Variants in PCDH9 observed in about 807,000 individuals in gnomAD.
PCDH9 encodes the protein protocadherin 9, also known as protocadherin-9.
Under a neutral mutation model 70.6 loss-of-function variants are expected in PCDH9, and 24 were observed. The observed-to-expected ratio is 0.34, with a 90% CI of 0.25 to 0.48. The LOEUF is 0.48. Among genes scored for constraint, PCDH9 ranks in the 20% least tolerant of loss-of-function variants. PCDH9 has a pLI of 0.99. For synonymous variants in PCDH9, 562 were observed against 558.5 expected, an observed-to-expected ratio of 1.01 and a Z score of -0.09; for missense variants, 1,281 against 1,503.6, an observed-to-expected ratio of 0.85 and a Z score of 2.45.
At chr13:67,169,614 T>C (rs1009489526) in intron 2 of PCDH9, among the ~76,000 whole-genome samples, 2 of 152,186 alleles carry the variant, frequency 1.3e-5, no homozygotes, top group African/African-American at 2.4e-5. Context: ...TTTTAACTTA[T>C]TCTGTAGCTA....
intron 2 of PCDH9, among the ~76,000 whole-genome samples, chr13:66,945,925 T>C (rs1019166136): frequency 2.0e-5 from 3 of 152,158 alleles, no homozygotes; most frequent in Admixed American, 6.5e-5. Context: ...AACAAATTGT[T>C]TCAAAGTAAT....
intron 2 of PCDH9, among the ~76,000 whole-genome samples, chr13:67,027,459 G>A (rs527246042): frequency 1.3e-4 from 19 of 151,964 alleles, no homozygotes; most frequent in Non-Finnish European, 2.2e-4. Flanking sequence ...TAAAACCATA[G>A]AAACCCTAGA....
intron 2 of PCDH9, among the ~76,000 whole-genome samples, chr13:67,028,230 T>C (rs2084828788): frequency 1.3e-5 from 2 of 148,346 alleles, no homozygotes; most frequent in Admixed American, 1.3e-4. Context: ...CATGGAATAC[T>C]ATGCAGCCAT....
chr13:66,571,000 T>C (rs979800940), intron 4 of PCDH9, among the ~76,000 whole-genome samples: 1 of 152,170 alleles, frequency 6.6e-6, no homozygotes, highest in Admixed American at 6.5e-5. Context: ...TATTCAATAA[T>C]AGAAATATAT....
At chr13:67,161,713 T>G (rs2087965822) in intron 2 of PCDH9, among the ~76,000 whole-genome samples, 1 of 152,196 alleles carries the variant, frequency 6.6e-6, no homozygotes, top group African/African-American at 2.4e-5. Context: ...TTCCAGGGAC[T>G]GTCAGGCAGG....
At chr13:67,069,971 C>A (rs985617897) in intron 2 of PCDH9, among the ~76,000 whole-genome samples, 2 of 151,762 alleles carry the variant, frequency 1.3e-5, no homozygotes, top group Admixed American at 1.3e-4. Context: ...AATCTTCCCT[C>A]TATCTTTTCA....
At chr13:66,642,579 G>T (rs2077722896) in intron 3 of PCDH9, among the ~76,000 whole-genome samples, 1 of 151,940 alleles carries the variant, frequency 6.6e-6, no homozygotes, top group Admixed American at 6.6e-5. Context: ...GTTTTGAATT[G>T]TTTTGAAACC....
At chr13:66,769,389 T>C (rs982796645) in intron 3 of PCDH9, among the ~76,000 whole-genome samples, 1 of 152,062 alleles carries the variant, frequency 6.6e-6, no homozygotes, top group Non-Finnish European at 1.5e-5. Context: ...TTAAATTGGG[T>C]ATAGCACTAC....
At chr13:66,597,998 G>A (rs2077123509) in intron 4 of PCDH9, among the ~76,000 whole-genome samples, 2 of 151,652 alleles carry the variant, frequency 1.3e-5, no homozygotes, top group Admixed American at 6.6e-5. Context: ...AATTGTCAGA[G>A]AAATGGAAAT....
At chr13:67,086,403 T>C (rs780776827) in intron 2 of PCDH9, among the ~76,000 whole-genome samples, 5 of 152,136 alleles carry the variant, frequency 3.3e-5, no homozygotes, top group Admixed American at 3.3e-4. Context: ...TATGTAAATA[T>C]CAGTGACCAA....
intron 4 of PCDH9, among the ~76,000 whole-genome samples, chr13:66,501,474 C>T (rs988248123): frequency 5.9e-5 from 9 of 152,046 alleles, no homozygotes; most frequent in Non-Finnish European, 1.2e-4. Flanking sequence ...AGGAAATCTT[C>T]CCTGCTGTTC....
chr13:66,856,000 A>G (rs2081389202), intron 3 of PCDH9, among the ~76,000 whole-genome samples: 1 of 152,004 alleles, frequency 6.6e-6, no homozygotes, highest in African/African-American at 2.4e-5. Context: ...AAGTTTTTTT[A>G]TAGAGAGGTA....
intron 4 of PCDH9, among the ~76,000 whole-genome samples, chr13:66,608,190 ACAG>A (rs2077245825): frequency 6.6e-6 from 1 of 151,910 alleles, no homozygotes; most frequent in African/African-American, 2.4e-5. Context: ...ATAGGTATAT[ACAG>A]TTCAGTAAAA....
At chr13:66,508,098 G>A (rs1470765766) in intron 4 of PCDH9, among the ~76,000 whole-genome samples, 3 of 152,130 alleles carry the variant, frequency 2.0e-5, no homozygotes, top group Non-Finnish European at 4.4e-5. Context: ...GTTGTCATAA[G>A]GATCAAATTA....
intron 2 of PCDH9, chr13:67,212,644 T>C (rs2089491441): frequency 6.6e-6 from 1 of 152,154 alleles, no homozygotes; most frequent in Non-Finnish European, 1.5e-5. Context: ...AATTTAAAAC[T>C]ATAGAATATA....
chr13:66,362,954 G>A (rs2097398502), intron 4 of PCDH9, among the ~76,000 whole-genome samples: 1 of 152,130 alleles, frequency 6.6e-6, no homozygotes, highest in African/African-American at 2.4e-5. Flanking sequence ...ACTGAGGTGG[G>A]AGGATCACTT....
At chr13:66,844,353 G>A (rs1379251702) in intron 3 of PCDH9, among the ~76,000 whole-genome samples, 1 of 152,020 alleles carries the variant, frequency 6.6e-6, no homozygotes, top group Non-Finnish European at 1.5e-5. Context: ...TTGGGAAGCC[G>A]AGGCGAGTGG....
At chr13:66,515,500 C>T (rs190966402) in intron 4 of PCDH9, among the ~76,000 whole-genome samples, 17 of 151,814 alleles carry the variant, frequency 1.1e-4, no homozygotes, top group East Asian at 3.9e-4. Context: ...TTATCATATA[C>T]GGTTTTAAAA....
chr13:67,025,730 A>C (rs2084766780), intron 2 of PCDH9, among the ~76,000 whole-genome samples: 1 of 152,154 alleles, frequency 6.6e-6, no homozygotes, highest in African/African-American at 2.4e-5. Context: ...ACTACCTTGA[A>C]AGTAGTGATG....
Sources: allele counts gnomAD v4.1 joint callset (sites outside exome capture counted in the v4.1 genomes callset), GRCh38; gene constraint gnomAD v4.1.1; transcripts MANE v1.5; gene names NCBI Gene and HGNC (gene_info 2026-07-23, HGNC 2026-07-21).